ANKRD31: variants seen among roughly 807,000 people sequenced by gnomAD.
ANKRD31 encodes ankyrin repeat domain-containing protein 31.
In ANKRD31, 147 loss-of-function variants were observed where a neutral mutation model predicts 186.0. The observed-to-expected ratio is 0.79, with a 90% confidence interval of 0.69 to 0.91. The LOEUF (loss-of-function observed/expected upper bound fraction) is 0.91. ANKRD31 is among the 40% of genes least tolerant of loss of function. ANKRD31 has a pLI of 0.00. For synonymous variants in ANKRD31, 673 were observed against 736.4 expected (o/e 0.91, Z 1.39); for missense variants, 1,986 against 2,148.8 (o/e 0.92, Z 1.50).
chr5:75,176,340 C>T (rs530569444), intron 10 of ANKRD31, among the ~76,000 whole-genome samples: 1 of 152,224 alleles, frequency 6.6e-6, no homozygotes, highest in African/African-American at 2.4e-5. Context: ...CAGCCATAAC[C>T]TCTGCAGACT....
chr5:75,104,593 C>G lies in ANKRD31; in HGVS notation c.4966G>C (p.Ala1656Pro), dbSNP rs1269470855. The change falls in exon 22 of 26, where the codon GCC (alanine) becomes CCC (proline). Residue 1656 changes from alanine (A) to proline (P), a missense_variant. Physicochemically the swap from Ala to Pro is conservative, Grantham distance 27. Transcript: ENST00000506364. The stretch of plus-strand genomic sequence containing the variant: ...TCACAAATAATATTTGATGGATGGG[C>G]AGCATTTTCGGCAAGGACACTTGCA... ...ETASVLAENA[A>P]HPSNIICDQD... The G allele has an allele frequency of 6.5e-7, 1 of 1,536,190 alleles. No homozygotes were observed. Among genetic ancestry groups the G allele is most frequent in the African/African-American group, 1.4e-5 (1 of 72,968 alleles).
intron 20 of ANKRD31, 46 bp from the exon 21 acceptor site, chr5:75,107,663 T>C: frequency 1.5e-5 from 16 of 1,044,538 alleles, no homozygotes; most frequent in Non-Finnish European, 1.9e-5. Flanking sequence ...GGAGAGTGAA[T>C]GTCAAATTTG....
intron 22 of ANKRD31, among the ~76,000 whole-genome samples, chr5:75,097,900 T>C (rs1383677939): frequency 1.3e-5 from 2 of 152,220 alleles, no homozygotes; most frequent in Non-Finnish European, 2.9e-5. Flanking sequence ...CCCAGAACCA[T>C]TTATTAAATA....
intron 22 of ANKRD31, among the ~76,000 whole-genome samples, chr5:75,102,552 G>A (rs1746989842): frequency 6.6e-6 from 1 of 152,230 alleles, no homozygotes; most frequent in African/African-American, 2.4e-5. Context: ...GAGGCATGAA[G>A]GCCTCCTTGA....
chr5:75,221,920 C>T (rs1757328961), intron 3 of ANKRD31, among the ~76,000 whole-genome samples: 1 of 152,102 alleles, frequency 6.6e-6, no homozygotes, highest in Non-Finnish European at 1.5e-5. Flanking sequence ...ATCAATAAGG[C>T]TTCCAGTCAA....
chr5:75,123,124 A>G (rs75154382), intron 17 of ANKRD31, among the ~76,000 whole-genome samples: 2,371 of 152,284 alleles, frequency 0.016, 75 homozygotes, highest in African/African-American at 0.054. Context: ...TCAATATTCA[A>G]AAATGAGTGT....
intron 22 of ANKRD31, among the ~76,000 whole-genome samples, chr5:75,091,948 T>G (rs1206119363): frequency 6.6e-6 from 1 of 151,902 alleles, no homozygotes; most frequent in Non-Finnish European, 1.5e-5. Context: ...AGGTGGTGGT[T>G]TCACATTGGG....
chr5:75,123,658 AC>A (rs1748973328), intron 17 of ANKRD31, among the ~76,000 whole-genome samples: 1 of 152,156 alleles, frequency 6.6e-6, no homozygotes, highest in Admixed American at 6.6e-5. Flanking sequence ...TCTATAGCTA[AC>A]TGATCTTTGA....
intron 10 of ANKRD31, among the ~76,000 whole-genome samples, chr5:75,180,944 C>T (rs1300243424): frequency 1.3e-5 from 2 of 151,642 alleles, no homozygotes; most frequent in African/African-American, 2.4e-5. Context: ...AGTGAACAGG[C>T]AACCTACAAA....
chr5:75,186,293 T>C (rs1272774971), intron 10 of ANKRD31, among the ~76,000 whole-genome samples: 4 of 152,198 alleles, frequency 2.6e-5, no homozygotes, highest in African/African-American at 9.6e-5. Flanking sequence ...TCAAAGAGAA[T>C]ATAACACATT....
chr5:75,143,910 A>G (rs918821247), intron 15 of ANKRD31, 91 bp downstream of exon 15: 13 of 394,368 alleles, frequency 3.3e-5, no homozygotes, highest in Non-Finnish European at 5.8e-5. Flanking sequence ...AAGAAACAAT[A>G]TATCTGAAAG....
chr5:75,091,490 C>T (rs2150031799), intron 22 of ANKRD31, 89 bp from the exon 23 acceptor site: 1 of 1,210,936 alleles, frequency 8.3e-7, no homozygotes, highest in Non-Finnish European at 1.1e-6. Flanking sequence ...TAACAGGGAC[C>T]ACATATACCC....
chr5:75,146,923 C>CCTGTTGGTCT lies in ANKRD31; in HGVS notation c.2487_2488insAGACCAACAG (p.Asp830ArgfsTer7). ...GGGAAAGAAACAGCTTCAGTTTGGT[C>CCTGTTGGTCT]AACAGATTCTAATTCCAAGCATTGA... On this transcript the variant is annotated frameshift_variant, in exon 14 of 26. Transcript: ENST00000506364. LOFTEE classifies it high-confidence loss of function. The CCTGTTGGTCT allele has an allele frequency of 6.5e-7, 1 of 1,536,318 alleles. No homozygotes were observed.
intron 2 of ANKRD31, 44 bp downstream of exon 2, chr5:75,230,517 AC>A (rs1481475157): frequency 7.0e-7 from 1 of 1,424,488 alleles, no homozygotes; most frequent in Admixed American, 2.1e-5. Flanking sequence ...ATGGGGACTA[AC>A]TGGGAAACTA....
At chr5:75,074,670 G>GT (rs1338968564) in intron 25 of ANKRD31, among the ~76,000 whole-genome samples, 1 of 152,118 alleles carries the variant, frequency 6.6e-6, no homozygotes, top group East Asian at 1.9e-4. Context: ...AAACATCTGG[G>GT]TTATTAGTTT....
chr5:75,097,610 C>T (rs182791537), intron 22 of ANKRD31, among the ~76,000 whole-genome samples: 19 of 152,232 alleles, frequency 1.2e-4, no homozygotes, highest in Non-Finnish European at 2.8e-4. Context: ...TGTAGGTTGC[C>T]TCTTCACTCT....
At chr5:75,108,972 A>C (rs1343303441) in intron 20 of ANKRD31, among the ~76,000 whole-genome samples, 1 of 152,198 alleles carries the variant, frequency 6.6e-6, no homozygotes, top group Non-Finnish European at 1.5e-5. Flanking sequence ...AACAGAAATA[A>C]ATTTTATATA....
chr5:75,192,650 C>A lies in ANKRD31; in HGVS notation c.1408+17G>T. The A allele has an allele frequency of 6.9e-7, 1 of 1,459,124 alleles. No individual in the cohort carries two copies. The highest frequency in any genetic ancestry group is 9.2e-7 in the Non-Finnish European group (1 of 1,085,264). 90.4% of individuals were successfully genotyped at this position (1,459,124 alleles called of 1,614,324 possible). A position where few individuals can be genotyped will look rare whatever the true frequency, so the allele number is the denominator to read the frequency against. On this transcript the variant is annotated intron_variant, in intron 9 of 25. Transcript: ENST00000506364. Reference sequence around the variant, plus strand: ...TTTTTGTAAAAGAAATAGAAAAATACTCAAAATATGCATCACCTTTTTTTC... The same window carrying A: ...TTTTTGTAAAAGAAATAGAAAAATAATCAAAATATGCATCACCTTTTTTTC...
At chr5:75,191,663 A>C (rs1399221627) in intron 9 of ANKRD31, among the ~76,000 whole-genome samples, 1 of 152,076 alleles carries the variant, frequency 6.6e-6, no homozygotes, top group Non-Finnish European at 1.5e-5. Flanking sequence ...TACAATGCTG[A>C]ATCTTTCTAG....
Sources: gnomAD v4.1 joint callset for allele counts (sites outside exome capture counted in the v4.1 genomes callset) on GRCh38, gnomAD v4.1.1 for gene constraint, MANE v1.5 for transcripts, NCBI Gene and HGNC (gene_info 2026-07-23, HGNC 2026-07-21) for gene names.